Variants in TGM6 observed in about 807,000 individuals in gnomAD.
TGM6 encodes the protein transglutaminase 6, also known as protein-glutamine gamma-glutamyltransferase 6.
Under a neutral mutation model 77.5 loss-of-function variants are expected in TGM6, and 74 were observed. The ratio of observed to expected loss-of-function variants is 0.96; its 90% CI spans 0.79 to 1.16. TGM6 has a LOEUF of 1.16. TGM6 is among the 50% of genes most tolerant of loss of function. TGM6 has a pLI of 0.00. For missense variants in TGM6, 968 were observed against 940.2 expected (o/e 1.03, Z -0.39); for synonymous variants, 383 against 378.9 (o/e 1.01, Z -0.12).
At position 2,390,991 on chromosome 20, in the gene TGM6, T is replaced by C. The variant is rs971782664; in HGVS notation, c.8-3461T>C. On this transcript the variant is annotated intron_variant, in intron 1 of 12. Coordinates refer to ENST00000202625, the MANE Select transcript of TGM6 (RefSeq NM_198994.3). ...CCAAAAAAGATATCAAAGTGCTCAA[T>C]CTTGAAGGGCTTGTGGGTCATTGTC... is the stretch of plus-strand genomic sequence containing the variant. 2.7e-4 allele frequency among the ~76,000 whole-genome samples: 41 copies of C among 151,980 alleles called. 1 individual carries two copies. The highest frequency in any genetic ancestry group is 9.9e-4 in the African/African-American group (41 of 41,424).
rs186811259 is a variant in TGM6, at chr20:2,381,730, A to G, written c.7+755A>G. 4.7e-3 allele frequency among the ~76,000 whole-genome samples: 719 copies of G among 152,290 alleles called. 5 individuals are homozygous for G. Among genetic ancestry groups the G allele is most frequent in the African/African-American group, 0.016 (684 of 41,564 alleles). On this transcript the variant is annotated intron_variant, in intron 1 of 12. Transcript: ENST00000202625. ...TCAGGAGTTTGAGACCAGCCTGGGCAATGTGGCAAAACCCCGTCTCTACAA... is the reference window on the plus strand; with the variant it reads ...TCAGGAGTTTGAGACCAGCCTGGGCGATGTGGCAAAACCCCGTCTCTACAA...
chr20:2,432,550 A>G lies in TGM6; in HGVS notation c.2028A>G (p.Lys676=). The change falls in exon 13 of 13, where the codon AAA becomes AAG. Residue 676 remains lysine, a synonymous_variant. Transcript: ENST00000202625. The stretch of plus-strand genomic sequence containing the variant: ...TCCAGTTTGACATCACCCCCTCCAA[A>G]AGTGGCCCAAGGCAGCTGCAGGTGG... ...ASVQFDITPS[K]SGPRQLQVDL... The G allele has an allele frequency of 6.2e-7, 1 of 1,613,972 alleles. No homozygotes were observed. The highest frequency in any genetic ancestry group is 8.5e-7 in the Non-Finnish European group (1 of 1,179,996).
intron 9 of TGM6, among the ~76,000 whole-genome samples, chr20:2,413,166 T>C (rs1418900928): frequency 6.6e-6 from 1 of 152,196 alleles, no homozygotes; most frequent in Non-Finnish European, 1.5e-5. Context: ...ATCCCAGCAC[T>C]TTAGGAGGCC....
intron 10 of TGM6, among the ~76,000 whole-genome samples, chr20:2,426,726 G>C (rs1406612138): frequency 6.6e-6 from 1 of 152,080 alleles, no homozygotes; most frequent in African/African-American, 2.4e-5. Flanking sequence ...TATCAGGAAT[G>C]GGTGTTGGAT....
intron 1 of TGM6, among the ~76,000 whole-genome samples, chr20:2,387,234 G>T (rs901628298): frequency 6.6e-6 from 1 of 152,188 alleles, no homozygotes; most frequent in Non-Finnish European, 1.5e-5. Flanking sequence ...CTAAACCAAG[G>T]TCATCTGAGC....
chr20:2,401,559 G>GT (rs936890379), intron 7 of TGM6, among the ~76,000 whole-genome samples: 1 of 152,120 alleles, frequency 6.6e-6, no homozygotes. Context: ...AAGTAATAAC[G>GT]TAACACCCAC....
At chr20:2,408,988 C>T (rs765089065) in intron 9 of TGM6, among the ~76,000 whole-genome samples, 3 of 152,110 alleles carry the variant, frequency 2.0e-5, no homozygotes, top group South Asian at 2.1e-4. Flanking sequence ...CTCTAACAGA[C>T]GCCTATAGAA....
intron 10 of TGM6, among the ~76,000 whole-genome samples, chr20:2,428,720 C>T (rs1218977265): frequency 6.6e-6 from 1 of 151,880 alleles, no homozygotes; most frequent in East Asian, 1.9e-4. Context: ...AATAATAATA[C>T]CCGCTCATGG....
In TGM6 at chr20:2,395,118, C is replaced by T. The variant is rs1411497042; in HGVS notation, c.182-76C>T. On this transcript the variant is annotated intron_variant, in intron 2 of 12. Transcript: ENST00000202625. ...AGGGGGTGAAGGTGGGGCTTCCAGG[C>T]CTGTAGCTTTTTTCACTTCTCTAAA... is the stretch of plus-strand genomic sequence containing the variant. 1.3e-5 allele frequency: 21 copies of T among 1,577,980 alleles called. No homozygotes were observed. The East Asian group carries it at 4.3e-4, about 32-fold the overall frequency.
chr20:2,423,724 A>G (rs1568670286), intron 10 of TGM6, among the ~76,000 whole-genome samples: 1 of 152,200 alleles, frequency 6.6e-6, no homozygotes, highest in Non-Finnish European at 1.5e-5. Flanking sequence ...TCTTTTCCAG[A>G]AGGTTTTCAA....
intron 11 of TGM6, 58 bp downstream of exon 11, chr20:2,430,658 G>A (rs1221857407): frequency 1.2e-5 from 19 of 1,611,660 alleles, no homozygotes; most frequent in African/African-American, 1.1e-4. Context: ...CCCAGAGCTG[G>A]GGGAGGGCGT....
Position 2,403,444 on chromosome 20 carries a change from G to A in TGM6, c.1037G>A (p.Gly346Asp), listed in dbSNP as rs746924049. The A allele has an allele frequency of 6.2e-7, 1 of 1,614,150 alleles. No individual in the cohort carries two copies. The change falls in exon 8 of 13, where the codon GGC becomes GAC. Residue 346 changes from glycine (G) to aspartate (D), a missense_variant. Transcript: ENST00000202625. ...NESWFARQDL[G>D]PSYNGWQVLD... ...AGCTGGTTTGCCCGGCAGGACCTAGGCCCCTCTTACAATGGCTGGCAGGTT... is the reference window on the plus strand; with the variant it reads ...AGCTGGTTTGCCCGGCAGGACCTAGACCCCTCTTACAATGGCTGGCAGGTT...
rs548530853 is a variant in TGM6 at position 2,421,072 on chromosome 20, C to T, written c.1678+3499C>T. Among the ~76,000 whole-genome samples the T allele has an allele frequency of 3.9e-5, 6 of 152,156 alleles. No individual in the cohort carries two copies. The South Asian group carries it at 1.0e-3, about 26-fold the overall frequency. On this transcript the variant is annotated intron_variant, in intron 10 of 12. Transcript: ENST00000202625. ...TGCGATTTTGGCTCACTGCAACCTCCGCCTCCCGGGTTCAAGTGATTCTCC... is the reference window on the plus strand; with the variant it reads ...TGCGATTTTGGCTCACTGCAACCTCTGCCTCCCGGGTTCAAGTGATTCTCC...
At chr20:2,420,998 TA>T (rs1213308797) in intron 10 of TGM6, among the ~76,000 whole-genome samples, 3 of 152,134 alleles carry the variant, frequency 2.0e-5, no homozygotes, top group Non-Finnish European at 4.4e-5. Context: ...TTTTTTTTTT[TA>T]TTTTTTGAGA....
chr20:2,399,869 G>A (rs2084694638), intron 6 of TGM6, 131 bp downstream of exon 6: 1 of 846,888 alleles, frequency 1.2e-6, no homozygotes, highest in African/African-American at 1.7e-5. Flanking sequence ...AACGAAGTCT[G>A]GCTGATGAAG....
chr20:2,408,213 C>T (rs182962330), intron 9 of TGM6, among the ~76,000 whole-genome samples: 2 of 152,164 alleles, frequency 1.3e-5, no homozygotes, highest in Non-Finnish European at 2.9e-5. Flanking sequence ...GCTTGTGCCT[C>T]TCTGAGTCAT....
intron 1 of TGM6, among the ~76,000 whole-genome samples, chr20:2,390,120 T>A (rs2084620830): frequency 6.6e-6 from 1 of 152,286 alleles, no homozygotes; most frequent in East Asian, 1.9e-4. Context: ...TCCCGAGATG[T>A]TCCGTGATTC....
At chr20:2,428,295 C>T (rs943706422) in intron 10 of TGM6, among the ~76,000 whole-genome samples, 1 of 152,132 alleles carries the variant, frequency 6.6e-6, no homozygotes, top group African/African-American at 2.4e-5. Flanking sequence ...AAAGGGGTCT[C>T]AGCTTTTATT....
intron 9 of TGM6, among the ~76,000 whole-genome samples, chr20:2,412,942 G>A (rs1316801298): frequency 6.6e-6 from 1 of 152,096 alleles, no homozygotes; most frequent in Non-Finnish European, 1.5e-5. Flanking sequence ...TGTTAAAATT[G>A]CAATACTCTC....
Sources: gnomAD v4.1 joint callset for allele counts (sites outside exome capture counted in the v4.1 genomes callset) on GRCh38, gnomAD v4.1.1 for gene constraint, MANE v1.5 for transcripts, NCBI Gene and HGNC (gene_info 2026-07-23, HGNC 2026-07-21) for gene names.